MED13: variants seen among roughly 807,000 people sequenced by gnomAD.
MED13 encodes mediator complex subunit 13.
A neutral mutation model predicts 225.2 loss-of-function variants in MED13; 23 were observed. The observed-to-expected ratio is 0.10, with a 90% CI of 0.07 to 0.14. MED13 has a LOEUF of 0.14. MED13 is among the 10% of genes least tolerant of loss of function. MED13 has a pLI of 1.00. For synonymous variants in MED13, 942 were observed against 889.2 expected, an observed-to-expected ratio of 1.06 and a Z score of -1.06; for missense variants, 2,197 against 2,594.5, an observed-to-expected ratio of 0.85 and a Z score of 3.33.
intron 3 of MED13, among the ~76,000 whole-genome samples, chr17:62,041,939 A>C (rs1338434134): frequency 6.6e-6 from 1 of 152,138 alleles, no homozygotes. Flanking sequence ...AAAAGTTTCC[A>C]AACTTGTCTT....
intron 8 of MED13, among the ~76,000 whole-genome samples, chr17:62,020,814 T>C (rs1268456059): frequency 2.0e-5 from 3 of 151,860 alleles, no homozygotes; most frequent in Non-Finnish European, 4.4e-5. Context: ...TCTCTGGTTT[T>C]CCTAGGCAGA....
At chr17:61,955,185 A>G (rs2079931765) in intron 26 of MED13, 197 bp downstream of exon 26, 1 of 396,992 alleles carries the variant, frequency 2.5e-6, no homozygotes, top group South Asian at 7.2e-5. Flanking sequence ...CCTCCTTCTT[A>G]TAAGAACACA....
intron 2 of MED13, 55 bp downstream of exon 2, chr17:62,063,012 G>A: frequency 7.5e-7 from 1 of 1,326,732 alleles, no homozygotes; most frequent in Admixed American, 1.9e-5. Context: ...TGACATTCTG[G>A]GAGAAGTATA....
At position 61,946,267 on chromosome 17, in the gene MED13, C is replaced by A; in HGVS notation, c.*201G>T. 1.9e-6 allele frequency: 1 copy of A among 526,590 alleles called. No individual in the cohort carries two copies. The highest frequency in any genetic ancestry group is 3.5e-5 in the South Asian group (1 of 28,964). 32.6% of individuals were successfully genotyped at this position (526,590 alleles called of 1,614,324 possible). ...TAATACGTTTTGTATGATCAGTCAT[C>A]ATCCTAAAGAGTTCAATAGAGTCAA... On this transcript the variant is annotated 3_prime_UTR_variant, in exon 30 of 30. Transcript: ENST00000397786.
At chr17:62,006,438 T>C (rs1194668377) in intron 9 of MED13, 5 of 152,200 alleles carry the variant, frequency 3.3e-5, no homozygotes, top group African/African-American at 9.7e-5. Context: ...AACATCCTTT[T>C]CATTCTGGAA....
chr17:62,057,488 C>T (rs900953117), intron 2 of MED13, among the ~76,000 whole-genome samples: 16 of 152,166 alleles, frequency 1.1e-4, no homozygotes, highest in Non-Finnish European at 1.8e-4. Context: ...CGGGCCACAT[C>T]ACAAGTAAAT....
At chr17:61,970,726 G>GTT (rs10685140) in intron 17 of MED13, among the ~76,000 whole-genome samples, 4,445 of 109,520 alleles carry the variant, frequency 0.041, 315 homozygotes, top group African/African-American at 0.14. Context: ...AGTTATTTAG[G>GTT]TTTTTTTTTT....
chr17:61,964,997 TA>T lies in MED13; in HGVS notation c.4844+8del. ...ATATTTCTGCAAAAATCAGTATTTT[TA>T]AAGGTACCTTTCAGACACATCAGGA... is the stretch of plus-strand genomic sequence containing the variant. On this transcript the variant is annotated splice_region_variant and intron_variant, in intron 20 of 29. Transcript: ENST00000397786. The T allele has an allele frequency of 6.2e-7, 1 of 1,600,372 alleles. No homozygotes were observed. Among genetic ancestry groups the T allele is most frequent in the Non-Finnish European group, 8.5e-7 (1 of 1,174,250 alleles).
chr17:62,024,008 T>C (rs951825131), intron 8 of MED13, among the ~76,000 whole-genome samples: 18 of 149,594 alleles, frequency 1.2e-4, no homozygotes, highest in Non-Finnish European at 2.7e-4. Flanking sequence ...TTTCTGAAAA[T>C]ACTTTTAAAA....
intron 17 of MED13, among the ~76,000 whole-genome samples, chr17:61,969,761 C>A (rs79679025): frequency 0.012 from 1,869 of 151,962 alleles, 41 homozygotes; most frequent in African/African-American, 0.042. Flanking sequence ...ATCACCATAC[C>A]GGGATAATTT....
chr17:61,983,258 A>T (rs919778655), intron 15 of MED13, 144 bp from the exon 16 acceptor site: 3 of 672,148 alleles, frequency 4.5e-6, no homozygotes, highest in African/African-American at 3.6e-5. Context: ...TTACAAGCAC[A>T]GTCAATTCTT....
At chr17:61,999,520 A>G (rs185430936) in intron 9 of MED13, among the ~76,000 whole-genome samples, 74 of 152,356 alleles carry the variant, frequency 4.9e-4, no homozygotes, top group African/African-American at 1.6e-3. Flanking sequence ...GAATTAGAAA[A>G]AAAGATATTT....
At chr17:62,021,373 CCT>C (rs1318472341) in intron 8 of MED13, among the ~76,000 whole-genome samples, 3 of 148,306 alleles carry the variant, frequency 2.0e-5, no homozygotes, top group Non-Finnish European at 4.5e-5. Flanking sequence ...GGGGCTGACC[CCT>C]CCCCACCTCC....
chr17:62,032,115 G>A (rs1055117113), intron 5 of MED13, among the ~76,000 whole-genome samples: 24 of 151,630 alleles, frequency 1.6e-4, no homozygotes, highest in African/African-American at 5.8e-4. Context: ...TGCTCTAGTA[G>A]TAATGGGTTT....
chr17:61,961,085 T>A lies in MED13; in HGVS notation c.5262A>T (p.Pro1754=), dbSNP rs1182319674. 6.2e-7 allele frequency: 1 copy of A among 1,610,360 alleles called. No individual in the cohort carries two copies. The highest frequency in any genetic ancestry group is 8.5e-7 in the Non-Finnish European group (1 of 1,177,590). The change falls in exon 23 of 30, where the codon CCA becomes CCT. Residue 1754 remains proline, a synonymous_variant. Transcript: ENST00000397786. ...GAGGTGCATAAAGTCGAATACACTC[T>A]GGTCTCTATAAAATAAAAAATTAAG... ...METALRSPDR[P]ECIRLYAPPF...
rs1330834628 is a variant in MED13 at position 62,007,811 on chromosome 17, T to G, written c.1967+2739A>C. On this transcript the variant is annotated intron_variant, in intron 9 of 29. Transcript: ENST00000397786. ...TGCAGTGAGCCAAGATCGCGCCACTTCACTCCAGCCTGGGCGAGAGAACGA... is the reference window on the plus strand; with the variant it reads ...TGCAGTGAGCCAAGATCGCGCCACTGCACTCCAGCCTGGGCGAGAGAACGA... 4.0e-5 allele frequency among the ~76,000 whole-genome samples: 6 copies of G among 148,528 alleles called. No individual in the cohort carries two copies. In the East Asian group the frequency reaches 6.0e-4, roughly 15 times the overall value.
intron 2 of MED13, among the ~76,000 whole-genome samples, chr17:62,057,424 GA>G (rs1229886130): frequency 6.6e-6 from 1 of 152,136 alleles, no homozygotes; most frequent in Non-Finnish European, 1.5e-5. Flanking sequence ...ACAGTATGCA[GA>G]AGAAATACAG....
chr17:61,962,849 G>C lies in MED13; in HGVS notation c.4967C>G (p.Thr1656Ser), dbSNP rs1426338479. The C allele has an allele frequency of 6.2e-6, 10 of 1,614,002 alleles. No homozygotes were observed. Among genetic ancestry groups the C allele is most frequent in the Non-Finnish European group, 8.5e-6 (10 of 1,180,020 alleles). Residue 1656 changes from threonine to serine, a missense_variant, in exon 21 of 30, where the codon ACT becomes AGT. Coordinates refer to ENST00000397786, the MANE Select transcript of MED13 (RefSeq NM_005121.3). The stretch of plus-strand genomic sequence containing the variant: ...CAATGTCCACACACTAGAAGAGTTA[G>C]TGCTCTCGTCTGTATTTTCGTATGT... ...PFTYENTDES[T>S]NSSSVWTLGL...
chr17:62,009,678 A>C (rs1013375294), intron 9 of MED13, among the ~76,000 whole-genome samples: 5 of 152,342 alleles, frequency 3.3e-5, no homozygotes, highest in African/African-American at 1.2e-4. Flanking sequence ...AACAACCCTT[A>C]ATGTTGAAAA....
Sources: gnomAD v4.1 joint callset for allele counts (sites outside exome capture counted in the v4.1 genomes callset) on GRCh38, gnomAD v4.1.1 for gene constraint, MANE v1.5 for transcripts, NCBI Gene and HGNC (gene_info 2026-07-23, HGNC 2026-07-21) for gene names.